The following ARHGEF1 variants were observed in gnomAD, a reference collection of about 807,000 sequenced individuals.
The protein encoded by ARHGEF1 is Rho guanine nucleotide exchange factor 1.
A neutral mutation model predicts 119.7 loss-of-function variants in ARHGEF1; 40 were observed. The ratio of observed to expected loss-of-function variants is 0.33; its 90% CI spans 0.26 to 0.44. The LOEUF is 0.44. Among genes scored for constraint, ARHGEF1 ranks in the 20% least tolerant of loss-of-function variants. The pLI is 1.00. For synonymous variants in ARHGEF1, 494 were observed against 521.0 expected (o/e 0.95, Z 0.71); for missense variants, 976 against 1,268.3 (o/e 0.77, Z 3.50).
chr19:41,920,459 C>CA (rs2074835454), upstream of ARHGEF1, among the ~76,000 whole-genome samples: 1 of 147,948 alleles, frequency 6.8e-6, no homozygotes, highest in Non-Finnish European at 1.5e-5. Flanking sequence ...CATGACACGC[C>CA]CAGACATGAT....
chr19:41,908,600 A>T (rs941401888), downstream of ARHGEF1: 1 of 1,231,676 alleles, frequency 8.1e-7, no homozygotes, highest in African/African-American at 1.6e-5. This position sits in a 1 kb window ranked among gnomAD's most constrained non-coding sequence, Gnocchi z 6.7. Context: ...GGTACGGGTT[A>T]AAGTTCCAGG....
chr19:41,895,535 G>T, intron 12 of ARHGEF1, 49 bp downstream of exon 12: 1 of 1,538,604 alleles, frequency 6.5e-7, no homozygotes, highest in Non-Finnish European at 8.8e-7. Context: ...GATCCAGGGT[G>T]GGGGTGCTGC....
intron 18 of ARHGEF1, among the ~76,000 whole-genome samples, chr19:41,914,609 C>G (rs1431043292): frequency 2.0e-5 from 1 of 49,882 alleles, no homozygotes; most frequent in Admixed American, 1.6e-4. Context: ...TCTGTCTCTC[C>G]CTCCCCTTCC....
chr19:41,921,764 G>A (rs1011343135), upstream of ARHGEF1, among the ~76,000 whole-genome samples: 2 of 151,748 alleles, frequency 1.3e-5, no homozygotes, highest in Admixed American at 6.6e-5. The surrounding 1 kb of genome is among the most constrained non-coding windows in gnomAD (Gnocchi z 4.4). Flanking sequence ...CCGGGTGGCG[G>A]GCAGACCTAA....
chr19:41,895,818 C>T (rs1362613603), intron 12 of ARHGEF1, among the ~76,000 whole-genome samples: 2 of 152,158 alleles, frequency 1.3e-5, no homozygotes, highest in South Asian at 4.1e-4. Context: ...GCATTGCTGG[C>T]CCCCTAGGTG....
intron 1 of ARHGEF1, among the ~76,000 whole-genome samples, chr19:41,886,965 G>A (rs1403498017): frequency 1.3e-5 from 2 of 152,218 alleles, no homozygotes; most frequent in Admixed American, 6.5e-5. Context: ...TCGGTGGAAA[G>A]ACTCAGAGAG....
In ARHGEF1 at chr19:41,895,332, C is replaced by T. The variant is rs1555847301; in HGVS notation, c.878-17C>T. On this transcript the variant is annotated splice_polypyrimidine_tract_variant and intron_variant, in intron 11 of 28. Coordinates refer to ENST00000354532, the MANE Select transcript of ARHGEF1 (RefSeq NM_004706.4). Reference sequence around the variant, plus strand: ...CTGTTCTCTTATCTCCCTCTTTCTCCCTCACTGTCTCCCCAGCCGAGAAGC... The same window carrying T: ...CTGTTCTCTTATCTCCCTCTTTCTCTCTCACTGTCTCCCCAGCCGAGAAGC... 6.3e-7 allele frequency: 1 copy of T among 1,595,962 alleles called. No homozygotes were observed. The highest frequency in any genetic ancestry group is 8.6e-7 in the Non-Finnish European group (1 of 1,168,574).
downstream of ARHGEF1, chr19:41,907,648 C>T (rs2074723474): frequency 4.4e-6 from 2 of 450,582 alleles, no homozygotes; most frequent in Non-Finnish European, 7.8e-6. Flanking sequence ...GTCTCCCTGA[C>T]ACCGCCCTCC....
chr19:41,895,399 C>A lies in ARHGEF1; in HGVS notation c.928C>A (p.Arg310=). ...GAAGGGAGGCGTGGGGATGCCCTCT[C>A]GGGACCGGAATATCGGGGCTCCTGG... ...DRKGGVGMPS[R]DRNIGAPGQD... The change falls in exon 12 of 29, where the codon CGG becomes AGG. Residue 310 remains arginine, a synonymous_variant. Coordinates refer to ENST00000354532, the MANE Select transcript of ARHGEF1 (RefSeq NM_004706.4). The A allele has an allele frequency of 1.2e-6, 2 of 1,612,618 alleles. No individual in the cohort carries two copies. Among genetic ancestry groups the A allele is most frequent in the Non-Finnish European group, 1.7e-6 (2 of 1,179,498 alleles).
chr19:41,917,422 G>C lies in ARHGEF1; in HGVS notation c.1866-5670G>C, dbSNP rs2074808117. Among the ~76,000 whole-genome samples the C allele has an allele frequency of 6.6e-6, 1 of 151,840 alleles. No individual in the cohort carries two copies. The highest frequency in any genetic ancestry group is 1.5e-5 in the Non-Finnish European group (1 of 67,954). On this transcript the variant is annotated intron_variant, in intron 18 of 20. Coordinates refer to the ARHGEF1 transcript ENST00000599589. This position sits in a 1 kb window ranked among gnomAD's most constrained non-coding sequence, Gnocchi z 4.8. ...CTCTAAGCTGCGCCGGCCGCCTCGG[G>C]AGCCGCCTCGGGCCTCGCACCCCCA... is the stretch of plus-strand genomic sequence containing the variant.
At chr19:41,886,341 C>A (rs1159186964) in intron 1 of ARHGEF1, among the ~76,000 whole-genome samples, 1 of 152,226 alleles carries the variant, frequency 6.6e-6, no homozygotes, top group African/African-American at 2.4e-5. Flanking sequence ...TGGCACCAAG[C>A]ACTTGCAAAG....
chr19:41,907,997 C>T (rs1324502863), downstream of ARHGEF1: 3 of 408,078 alleles, frequency 7.4e-6, no homozygotes, highest in Admixed American at 4.4e-5. Context: ...GGGGACCCCC[C>T]TCAAACTGGA....
intron 12 of ARHGEF1, 94 bp downstream of exon 12, chr19:41,895,580 C>T: frequency 1.5e-6 from 2 of 1,326,184 alleles, no homozygotes; most frequent in East Asian, 2.4e-5. Context: ...GAAGCCATTC[C>T]CCAGCAACAC....
At chr19:41,923,465 G>A (rs990532225) in intron 1 of ARHGEF1, among the ~76,000 whole-genome samples, 3 of 151,096 alleles carry the variant, frequency 2.0e-5, no homozygotes, top group Non-Finnish European at 4.4e-5. Context: ...CAGACAGACA[G>A]AGACAAAAAG....
chr19:41,891,207 T>A (rs1555846138), intron 4 of ARHGEF1, among the ~76,000 whole-genome samples: 1 of 152,100 alleles, frequency 6.6e-6, no homozygotes, highest in Non-Finnish European at 1.5e-5. Context: ...TTCCAGGCAG[T>A]GGAGTGTAGT....
At position 41,898,518 on chromosome 19, in the gene ARHGEF1, G is replaced by A; in HGVS notation, c.1198G>A (p.Glu400Lys). 1.3e-6 allele frequency: 2 copies of A among 1,560,258 alleles called. No homozygotes were observed. The highest frequency in any genetic ancestry group is 1.7e-6 in the Non-Finnish European group (2 of 1,152,400). The change falls in exon 14 of 29, where the codon GAA becomes AAA. Residue 400 changes from glutamate (E) to lysine (K), a missense_variant. By Grantham distance (56) the Glu-to-Lys change is moderately conservative. Transcript: ENST00000354532. The stretch of plus-strand genomic sequence containing the variant: ...ACCAGAAGAGCCTCCCGGCTGGCGG[G>A]AACTCGTCCCCCCAGACACCCTGCA... ...LEPEEPPGWR[E>K]LVPPDTLHSL...
chr19:41,886,383 A>C (rs2074294100), intron 1 of ARHGEF1, among the ~76,000 whole-genome samples: 1 of 152,114 alleles, frequency 6.6e-6, no homozygotes, highest in Admixed American at 6.5e-5. Flanking sequence ...GCCTTTTTAA[A>C]ATTTCCCTGC....
rs1023861200 is a variant in ARHGEF1, at chr19:41,889,394, A to G, written c.225+529A>G. The G allele has an allele frequency of 2.0e-5, 3 of 152,824 alleles. No homozygotes were observed. Among genetic ancestry groups the G allele is most frequent in the African/African-American group, 7.2e-5 (3 of 41,576 alleles). 9.5% of individuals were successfully genotyped at this position (152,824 alleles called of 1,614,324 possible). On this transcript the variant is annotated intron_variant, in intron 4 of 28. Coordinates refer to ENST00000354532, the MANE Select transcript of ARHGEF1 (RefSeq NM_004706.4). This position sits in a 1 kb window ranked among gnomAD's most constrained non-coding sequence, Gnocchi z 4.0. ...CACAGCTCACAAGGCAGACCACACA[A>G]TTGTGGATCCAGAAGCCTCCGGATG...
At chr19:41,911,662 G>C (rs1213898286), downstream of ARHGEF1, among the ~76,000 whole-genome samples, 1 of 152,168 alleles carries the variant, frequency 6.6e-6, no homozygotes. Context: ...GACAGGGCTG[G>C]ATCCAGACTC....
Sources: gnomAD v4.1 joint callset for allele counts (sites outside exome capture counted in the v4.1 genomes callset) on GRCh38, gnomAD v4.1.1 for gene constraint, Gnocchi (gnomAD v3.1) non-coding constraint, MANE v1.5 for transcripts, NCBI Gene and HGNC (gene_info 2026-07-23, HGNC 2026-07-21) for gene names.